The following MDGA2 variants were observed in gnomAD, a reference collection of about 807,000 sequenced individuals.
The protein encoded by MDGA2 is MAM domain-containing glycosylphosphatidylinositol anchor protein 2.
In MDGA2, 40 loss-of-function variants were observed where a neutral mutation model predicts 117.8. That is an observed-to-expected ratio of 0.34 (90% CI 0.26 to 0.44). MDGA2 has a LOEUF of 0.44. Among genes scored for constraint, MDGA2 ranks in the 20% least tolerant of loss-of-function variants. MDGA2 has a pLI of 1.00. For missense variants in MDGA2, 1,123 were observed against 1,250.6 expected, an observed-to-expected ratio of 0.90 and a Z score of 1.54; for synonymous variants, 452 against 439.0, an observed-to-expected ratio of 1.03 and a Z score of -0.37.
chr14:47,364,944 T>C (rs1891200105), intron 1 of MDGA2, among the ~76,000 whole-genome samples: 1 of 152,240 alleles, frequency 6.6e-6, no homozygotes, highest in African/African-American at 2.4e-5. Flanking sequence ...TGGTCTCATC[T>C]AAATTTGAAT....
chr14:47,040,709 C>A (rs1889033677), intron 7 of MDGA2, among the ~76,000 whole-genome samples: 1 of 152,284 alleles, frequency 6.6e-6, no homozygotes, highest in East Asian at 1.9e-4. Flanking sequence ...AAATGTTATT[C>A]CCTTTGTAAA....
chr14:47,425,877 T>C (rs534404669), intron 1 of MDGA2, among the ~76,000 whole-genome samples: 46 of 151,886 alleles, frequency 3.0e-4, no homozygotes, highest in Admixed American at 2.0e-3. Flanking sequence ...AAATTAACTA[T>C]TGTACAATAC....
At chr14:47,419,030 A>C (rs1892527446) in intron 1 of MDGA2, among the ~76,000 whole-genome samples, 1 of 152,180 alleles carries the variant, frequency 6.6e-6, no homozygotes, top group Admixed American at 6.5e-5. Context: ...TATTCAGACG[A>C]AACTAAATAA....
chr14:47,650,992 C>T (rs1470292499), intron 1 of MDGA2, among the ~76,000 whole-genome samples: 2 of 152,076 alleles, frequency 1.3e-5, no homozygotes, highest in Non-Finnish European at 2.9e-5. Context: ...GTATGTGTAA[C>T]TAACATTTAT....
chr14:47,191,496 C>G (rs1885112462), intron 3 of MDGA2, among the ~76,000 whole-genome samples: 1 of 150,734 alleles, frequency 6.6e-6, no homozygotes, highest in South Asian at 2.1e-4. Flanking sequence ...AAAAGGCCAT[C>G]TTACGGTTAT....
chr14:47,440,454 T>C (rs745466846), intron 1 of MDGA2, among the ~76,000 whole-genome samples: 5 of 152,154 alleles, frequency 3.3e-5, no homozygotes, highest in Non-Finnish European at 5.9e-5. Flanking sequence ...AAACCTTGTC[T>C]TAGCGTCTGC....
intron 6 of MDGA2, among the ~76,000 whole-genome samples, chr14:47,063,571 G>A (rs911923433): frequency 6.6e-6 from 1 of 151,998 alleles, no homozygotes; most frequent in African/African-American, 2.4e-5. Flanking sequence ...CAAATCATAT[G>A]AGTATAAAAT....
intron 1 of MDGA2, among the ~76,000 whole-genome samples, chr14:47,529,892 C>T (rs1895058243): frequency 6.6e-6 from 1 of 152,268 alleles, no homozygotes; most frequent in South Asian, 2.1e-4. Flanking sequence ...TTCCTGTTTG[C>T]CATAGTGGTT....
chr14:47,447,100 C>T (rs1029265885), intron 1 of MDGA2, among the ~76,000 whole-genome samples: 1 of 152,144 alleles, frequency 6.6e-6, no homozygotes. Context: ...TTTCCTATTA[C>T]TTCTTGATAC....
At chr14:47,443,238 C>T (rs768534448) in intron 1 of MDGA2, among the ~76,000 whole-genome samples, 2 of 151,966 alleles carry the variant, frequency 1.3e-5, no homozygotes, top group Admixed American at 6.6e-5. Flanking sequence ...CCTCAGACTG[C>T]CAAAGTTATG....
chr14:47,191,421 T>TAG (rs781515801), intron 3 of MDGA2, among the ~76,000 whole-genome samples: 1 of 98,874 alleles, frequency 1.0e-5, no homozygotes, highest in African/African-American at 4.8e-5. Context: ...TATATTTACA[T>TAG]ATATATATAT....
At chr14:47,195,682 C>T (rs1439313921) in intron 3 of MDGA2, among the ~76,000 whole-genome samples, 1 of 151,980 alleles carries the variant, frequency 6.6e-6, no homozygotes, top group Non-Finnish European at 1.5e-5. Context: ...GCTATTGCAA[C>T]AGAGATTTAA....
intron 1 of MDGA2, among the ~76,000 whole-genome samples, chr14:47,548,927 C>A (rs1446687521): frequency 6.6e-6 from 1 of 152,164 alleles, no homozygotes. Flanking sequence ...ACAACTGCAG[C>A]TGAGGTTATT....
intron 8 of MDGA2, among the ~76,000 whole-genome samples, chr14:46,977,725 T>C (rs572473355): frequency 1.3e-5 from 2 of 151,972 alleles, no homozygotes; most frequent in South Asian, 4.1e-4. Flanking sequence ...AGATATAATA[T>C]TGATCAATAA....
intron 3 of MDGA2, among the ~76,000 whole-genome samples, chr14:47,165,241 A>T (rs1376360860): frequency 1.3e-5 from 2 of 151,972 alleles, no homozygotes; most frequent in Non-Finnish European, 2.9e-5. Flanking sequence ...CCTAGTACTT[A>T]AAGTATAATA....
At chr14:47,494,876 TTA>T (rs10627834) in intron 1 of MDGA2, among the ~76,000 whole-genome samples, 7,055 of 141,006 alleles carry the variant, frequency 0.05, 540 homozygotes, top group African/African-American at 0.18. Flanking sequence ...TAAAATGTGA[TTA>T]TATATATATA....
At chr14:47,359,158 A>G (rs1399996696) in intron 1 of MDGA2, among the ~76,000 whole-genome samples, 1 of 152,172 alleles carries the variant, frequency 6.6e-6, no homozygotes, top group Non-Finnish European at 1.5e-5. Context: ...GATCAAGACT[A>G]TCCTAGCCAA....
At chr14:47,060,958 G>A (rs150728859) in intron 7 of MDGA2, among the ~76,000 whole-genome samples, 20 of 151,986 alleles carry the variant, frequency 1.3e-4, no homozygotes, top group African/African-American at 4.3e-4. Context: ...AGACTCTTCA[G>A]AGTATTTTGA....
chr14:47,065,447 G>T (rs1342068009), intron 6 of MDGA2, among the ~76,000 whole-genome samples: 1 of 152,116 alleles, frequency 6.6e-6, no homozygotes, highest in Non-Finnish European at 1.5e-5. Flanking sequence ...GAATGTCAAT[G>T]GTTCAATGGA....
Sources: gnomAD v4.1 joint callset for allele counts (sites outside exome capture counted in the v4.1 genomes callset) on GRCh38, gnomAD v4.1.1 for gene constraint, MANE v1.5 for transcripts, NCBI Gene and HGNC (gene_info 2026-07-23, HGNC 2026-07-21) for gene names.